Variants in TENM3 observed in about 807,000 individuals in gnomAD.
TENM3 encodes teneurin transmembrane protein 3, also known as teneurin-3.
Under a neutral mutation model 255.1 loss-of-function variants are expected in TENM3, and 63 were observed. The observed-to-expected ratio is 0.25, with a 90% CI of 0.20 to 0.30. The LOEUF (loss-of-function observed/expected upper bound fraction) is 0.30, where lower values mean the gene tolerates loss of function less well. TENM3 is among the 10% of genes least tolerant of loss of function. The pLI is 1.00. For missense variants in TENM3, 2,929 were observed against 3,461.1 expected, an observed-to-expected ratio of 0.85 and a Z score of 3.86; for synonymous variants, 1,306 against 1,322.3, an observed-to-expected ratio of 0.99 and a Z score of 0.27.
chr4:182,148,945 G>A lies in TENM3; in HGVS notation c.-76+4191G>A, dbSNP rs145136427. Among the ~76,000 whole-genome samples, 695 of 151,918 alleles carry A rather than the reference G, an allele frequency of 4.6e-3. 3 individuals are homozygous for A. Among genetic ancestry groups the A allele is most frequent in the African/African-American group, 0.015 (617 of 41,470 alleles). On this transcript the variant is annotated intron_variant, in intron 1 of 2. Transcript: ENST00000512480. ...CAGAATATAAGATTAATATAGATTA[G>A]CATTCTAATATATCCACAGTATATC...
intron 3 of TENM3, among the ~76,000 whole-genome samples, chr4:182,462,357 C>T (rs1387279608): frequency 3.3e-5 from 5 of 152,038 alleles, no homozygotes; most frequent in East Asian, 3.9e-4. Context: ...CTGCTCCCGG[C>T]CTAGGATCTT....
the TENM3 span, among the ~76,000 whole-genome samples, chr4:181,683,620 G>A: frequency 2.0e-5 from 3 of 152,134 alleles, no homozygotes; most frequent in Admixed American, 2.0e-4. Context: ...AGCAGATGAA[G>A]CGACTTCATC....
the TENM3 span, among the ~76,000 whole-genome samples, chr4:181,495,903 A>T: frequency 3.3e-4 from 5 of 15,204 alleles, no homozygotes; most frequent in Non-Finnish European, 1.2e-3. Flanking sequence ...GAGACAAATT[A>T]AAAAAAAAAA....
the TENM3 span, among the ~76,000 whole-genome samples, chr4:181,755,387 G>A: frequency 6.6e-6 from 1 of 150,706 alleles, no homozygotes; most frequent in African/African-American, 2.4e-5. Flanking sequence ...TTATTTTTCT[G>A]GTATAACATG....
chr4:182,100,810 C>CATATAT, the TENM3 span, among the ~76,000 whole-genome samples: 2 of 6,342 alleles, frequency 3.2e-4, no homozygotes, highest in Non-Finnish European at 5.4e-4. Context: ...TATATATACA[C>CATATAT]ATATATATAC....
chr4:182,522,900 T>C (rs2151793353), intron 3 of TENM3, among the ~76,000 whole-genome samples: 2 of 152,314 alleles, frequency 1.3e-5, no homozygotes, highest in Middle Eastern at 3.4e-3. Flanking sequence ...GCTGCACTAC[T>C]TTACATTCCT....
chr4:182,584,312 A>T (rs569791167), intron 3 of TENM3, among the ~76,000 whole-genome samples: 1 of 152,350 alleles, frequency 6.6e-6, no homozygotes, highest in South Asian at 2.1e-4. Context: ...TATGAGCTAA[A>T]GACATCTATC....
At chr4:182,560,394 A>G (rs116144514) in intron 3 of TENM3, among the ~76,000 whole-genome samples, 231 of 152,274 alleles carry the variant, frequency 1.5e-3, no homozygotes, top group African/African-American at 5.3e-3. Context: ...CAGCCATTCA[A>G]TATTTCAAAA....
At chr4:182,130,229 T>A in the TENM3 span, among the ~76,000 whole-genome samples, 1 of 152,218 alleles carries the variant, frequency 6.6e-6, no homozygotes, top group Non-Finnish European at 1.5e-5. Context: ...ATGACATTTC[T>A]AAATAAAGGT....
intron 1 of TENM3, among the ~76,000 whole-genome samples, chr4:182,155,064 T>A (rs1750611120): frequency 1.3e-5 from 2 of 152,178 alleles, no homozygotes; most frequent in East Asian, 3.9e-4. Context: ...TCAGTTCTCA[T>A]TTAGTCAGCG....
the TENM3 span, among the ~76,000 whole-genome samples, chr4:181,773,104 T>C: frequency 6.6e-6 from 1 of 152,194 alleles, no homozygotes; most frequent in African/African-American, 2.4e-5. Flanking sequence ...ACCCACATGA[T>C]TTCCTGTAAC....
At chr4:182,751,131 C>G (rs2152747898) in intron 19 of TENM3, among the ~76,000 whole-genome samples, 1 of 152,286 alleles carries the variant, frequency 6.6e-6, no homozygotes, top group East Asian at 1.9e-4. Flanking sequence ...GCTCAGTATA[C>G]AAACTTTGGA....
At chr4:182,216,570 A>G in intron 1 of TENM3, among the ~76,000 whole-genome samples, 1 of 152,238 alleles carries the variant, frequency 6.6e-6, no homozygotes, top group East Asian at 1.9e-4. Context: ...CTGAATAGGA[A>G]AAATAAAGGT....
chr4:182,388,011 G>T (rs1272412464), intron 3 of TENM3, among the ~76,000 whole-genome samples: 1 of 151,118 alleles, frequency 6.6e-6, no homozygotes, highest in Non-Finnish European at 1.5e-5. Context: ...TCTCTCCATG[G>T]TTAAGCAAAC....
chr4:182,181,906 T>C (rs950915228), intron 1 of TENM3, among the ~76,000 whole-genome samples: 1 of 151,416 alleles, frequency 6.6e-6, no homozygotes, highest in African/African-American at 2.4e-5. Flanking sequence ...TTTTTTTTAA[T>C]TTTTGTTTTT....
chr4:181,582,476 C>A, the TENM3 span, among the ~76,000 whole-genome samples: 1 of 151,550 alleles, frequency 6.6e-6, no homozygotes, highest in South Asian at 2.1e-4. Context: ...GACTTTAAAC[C>A]AAACAAACAG....
the TENM3 span, among the ~76,000 whole-genome samples, chr4:181,826,690 G>A: frequency 6.6e-6 from 1 of 152,166 alleles, no homozygotes. Flanking sequence ...CTTAACCCTA[G>A]CTACACATTA....
chr4:181,623,818 A>G, the TENM3 span, among the ~76,000 whole-genome samples: 1 of 152,230 alleles, frequency 6.6e-6, no homozygotes, highest in African/African-American at 2.4e-5. Flanking sequence ...TCAGATATTA[A>G]GCAATTTTAT....
At chr4:181,751,015 T>C in the TENM3 span, among the ~76,000 whole-genome samples, 1 of 152,206 alleles carries the variant, frequency 6.6e-6, no homozygotes, top group Non-Finnish European at 1.5e-5. Flanking sequence ...CAATAATTTG[T>C]GAAAATATTC....
Sources: allele counts gnomAD v4.1 joint callset (sites outside exome capture counted in the v4.1 genomes callset), GRCh38; gene constraint gnomAD v4.1.1; transcripts MANE v1.5; gene names NCBI Gene and HGNC (gene_info 2026-07-23, HGNC 2026-07-21).